The following PLB1 variants were observed in gnomAD, a reference collection of about 807,000 sequenced individuals.
The protein encoded by PLB1 is phospholipase B1, membrane-associated.
Under a neutral mutation model 227.4 loss-of-function variants are expected in PLB1, and 242 were observed. The observed-to-expected ratio is 1.06, with a 90% CI of 0.96 to 1.18. The LOEUF (loss-of-function observed/expected upper bound fraction) is 1.18. Ranked by LOEUF, PLB1 falls within the 50% of genes most tolerant of loss-of-function variation. The pLI is 0.00. For synonymous variants in PLB1, 757 were observed against 682.2 expected, an observed-to-expected ratio of 1.11 and a Z score of -1.71; for missense variants, 1,858 against 1,816.3, an observed-to-expected ratio of 1.02 and a Z score of -0.42.
At chr2:28,639,742 C>T (rs906150038) in intron 56 of PLB1, among the ~76,000 whole-genome samples, 2 of 152,194 alleles carry the variant, frequency 1.3e-5, no homozygotes, top group East Asian at 1.9e-4. Flanking sequence ...GTCACTGTTA[C>T]GATAGACTTG....
At chr2:28,605,014 C>T (rs991387968) in intron 41 of PLB1, among the ~76,000 whole-genome samples, 2 of 152,210 alleles carry the variant, frequency 1.3e-5, no homozygotes, top group African/African-American at 4.8e-5. Context: ...AAAACTGTCA[C>T]ATCTGCCTTT....
chr2:28,545,647 G>A (rs1382960675), intron 14 of PLB1, among the ~76,000 whole-genome samples: 3 of 152,166 alleles, frequency 2.0e-5, no homozygotes, highest in African/African-American at 4.8e-5. Context: ...GAAAATATGG[G>A]AGGGCATTGG....
intron 3 of PLB1, among the ~76,000 whole-genome samples, 188 bp from the exon 4 acceptor site, chr2:28,519,517 C>A (rs1297240217): frequency 1.3e-5 from 2 of 152,224 alleles, no homozygotes; most frequent in African/African-American, 4.8e-5. Context: ...GGGTGTCTTT[C>A]TGGCAGGATT....
intron 33 of PLB1, among the ~76,000 whole-genome samples, chr2:28,597,133 G>A (rs563303169): frequency 7.3e-5 from 11 of 151,672 alleles, no homozygotes; most frequent in Non-Finnish European, 1.5e-4. Context: ...GCATGGTGGC[G>A]GGTACCTGTA....
At chr2:28,597,616 T>A (rs1458834590) in intron 33 of PLB1, among the ~76,000 whole-genome samples, 4 of 152,226 alleles carry the variant, frequency 2.6e-5, no homozygotes, top group African/African-American at 4.8e-5. Context: ...CAATGACTTT[T>A]AACAAGTTAA....
At chr2:28,612,255 TG>T (rs987155251) in intron 43 of PLB1, among the ~76,000 whole-genome samples, 3 of 152,188 alleles carry the variant, frequency 2.0e-5, no homozygotes, top group African/African-American at 4.8e-5. Flanking sequence ...GTATCTGAGC[TG>T]GGGGCTGAGA....
chr2:28,541,619 G>A, intron 12 of PLB1, 88 bp from the exon 13 acceptor site: 1 of 954,724 alleles, frequency 1.0e-6, no homozygotes, highest in Non-Finnish European at 1.6e-6. Flanking sequence ...TCCTGTCCCA[G>A]GGCTGCCGAG....
chr2:28,527,027 C>T (rs1670348090), intron 6 of PLB1, among the ~76,000 whole-genome samples: 1 of 152,190 alleles, frequency 6.6e-6, no homozygotes, highest in African/African-American at 2.4e-5. Flanking sequence ...ATTACCAACT[C>T]CGTGGCTATC....
chr2:28,566,658 C>T lies in PLB1; in HGVS notation c.1281-138C>T, dbSNP rs943103871. 39 of 896,254 alleles carry T rather than the reference C, an allele frequency of 4.4e-5. No individual in the cohort carries two copies. In the African/African-American group the frequency reaches 6.5e-4, roughly 15 times the overall value. The allele number at this position is 896,254 out of a possible 1,614,324, so 55.5% of individuals were successfully genotyped here. ...CTGGTTTGCTTTTTCCGTTTTTCTACTGAAGTGATGGGGAAAGTGCAAGCT... is the reference window on the plus strand; with the variant it reads ...CTGGTTTGCTTTTTCCGTTTTTCTATTGAAGTGATGGGGAAAGTGCAAGCT... On this transcript the variant is annotated intron_variant, in intron 19 of 57. Coordinates refer to ENST00000327757, the MANE Select transcript of PLB1 (RefSeq NM_153021.5).
chr2:28,499,477 T>C (rs2093765038), intron 1 of PLB1, among the ~76,000 whole-genome samples: 1 of 151,816 alleles, frequency 6.6e-6, no homozygotes, highest in Non-Finnish European at 1.5e-5. Context: ...TGTGTGCCTT[T>C]ATTTCTTTTT....
intron 43 of PLB1, among the ~76,000 whole-genome samples, 186 bp downstream of exon 43, chr2:28,606,753 G>A (rs35295534): frequency 0.032 from 4,922 of 152,310 alleles, 117 homozygotes; most frequent in Non-Finnish European, 0.051. Context: ...AGACAAGAGT[G>A]CAGCTGTCAT....
chr2:28,520,956 CAA>C (rs938069410), intron 4 of PLB1, among the ~76,000 whole-genome samples: 4 of 152,228 alleles, frequency 2.6e-5, no homozygotes, highest in African/African-American at 7.2e-5. Context: ...GCCTGGGAAA[CAA>C]GAGCAAAACT....
intron 4 of PLB1, among the ~76,000 whole-genome samples, chr2:28,520,858 C>A (rs77017886): frequency 6.6e-6 from 1 of 151,984 alleles, no homozygotes; most frequent in Non-Finnish European, 1.5e-5. Flanking sequence ...ACCTGTAATC[C>A]CAGCTACTTG....
At chr2:28,585,710 C>A in intron 25 of PLB1, 51 bp from the exon 26 acceptor site, 1 of 1,406,558 alleles carries the variant, frequency 7.1e-7, no homozygotes, top group Non-Finnish European at 1.0e-6. Flanking sequence ...ATCACTTATT[C>A]AGGATGGTGA....
At chr2:28,562,771 A>G (rs552997547) in intron 17 of PLB1, among the ~76,000 whole-genome samples, 9 of 152,014 alleles carry the variant, frequency 5.9e-5, no homozygotes, top group Non-Finnish European at 1.3e-4. Flanking sequence ...ATGCGAGCAC[A>G]GCTCCCCACT....
chr2:28,626,774 G>A (rs1422097478), intron 51 of PLB1, among the ~76,000 whole-genome samples: 2 of 152,220 alleles, frequency 1.3e-5, no homozygotes, highest in Middle Eastern at 3.2e-3. Flanking sequence ...CACTGCTGAG[G>A]TGAGGCCTCT....
intron 16 of PLB1, among the ~76,000 whole-genome samples, chr2:28,552,631 G>C (rs1674427428): frequency 6.6e-6 from 1 of 152,194 alleles, no homozygotes; most frequent in Admixed American, 6.5e-5. Flanking sequence ...TGAGGAGCAA[G>C]TCTGTGGGGC....
intron 17 of PLB1, among the ~76,000 whole-genome samples, chr2:28,554,987 G>A (rs1368670511): frequency 6.6e-6 from 1 of 152,014 alleles, no homozygotes; most frequent in African/African-American, 2.4e-5. Context: ...AGGTGAGCAT[G>A]GGACCCAAAC....
chr2:28,566,977 C>T, intron 20 of PLB1, 138 bp downstream of exon 20: 1 of 964,442 alleles, frequency 1.0e-6, no homozygotes. Flanking sequence ...GCGCTGCCTC[C>T]CGAGACTGCC....
Sources: allele counts gnomAD v4.1 joint callset (sites outside exome capture counted in the v4.1 genomes callset), GRCh38; gene constraint gnomAD v4.1.1; transcripts MANE v1.5; gene names NCBI Gene and HGNC (gene_info 2026-07-23, HGNC 2026-07-21).